The following RGS3 variants were observed in gnomAD, a reference collection of about 807,000 sequenced individuals.
RGS3 encodes regulator of G-protein signalling 3.
RGS3 carries 80 observed loss-of-function variants against 132.6 expected under a neutral mutation model. The ratio of observed to expected loss-of-function variants is 0.60; its 90% CI spans 0.50 to 0.73. The LOEUF is 0.73. Ranked by LOEUF, RGS3 falls within the 30% of genes least tolerant of loss-of-function variation. The pLI, the probability that RGS3 is intolerant of heterozygous loss-of-function variation, is 0.00. For missense variants in RGS3, 1,382 were observed against 1,530.8 expected (o/e 0.90, Z 1.62); for synonymous variants, 598 against 620.6 (o/e 0.96, Z 0.54).
At chr9:113,500,628 T>G (rs1366976060) in intron 10 of RGS3, among the ~76,000 whole-genome samples, 1 of 152,024 alleles carries the variant, frequency 6.6e-6, no homozygotes, top group Non-Finnish European at 1.5e-5. Context: ...TTATGGTCCA[T>G]GTGTATCACC....
chr9:113,582,376 G>A (rs969954822), intron 19 of RGS3: 11 of 197,544 alleles, frequency 5.6e-5, no homozygotes, highest in South Asian at 1.7e-4. Context: ...GCGTGTGCCC[G>A]CAGGTGCACA....
At chr9:113,573,478 G>C (rs570290011) in intron 19 of RGS3, among the ~76,000 whole-genome samples, 1 of 152,184 alleles carries the variant, frequency 6.6e-6, no homozygotes, top group Admixed American at 6.5e-5. Flanking sequence ...TGAGGGAGGC[G>C]GCACATGGAT....
intron 1 of RGS3, among the ~76,000 whole-genome samples, chr9:113,452,123 C>T (rs1252595398): frequency 1.3e-5 from 2 of 152,034 alleles, no homozygotes; most frequent in South Asian, 2.1e-4. Flanking sequence ...CTCAGCCTCC[C>T]GAGTAGCTAG....
intron 3 of RGS3, among the ~76,000 whole-genome samples, chr9:113,475,553 G>T (rs918116194): frequency 6.6e-6 from 1 of 152,034 alleles, no homozygotes; most frequent in African/African-American, 2.4e-5. Context: ...CTACAGGCAC[G>T]CACCACGGTG....
chr9:113,559,110 G>GA (rs1283459730), intron 19 of RGS3, among the ~76,000 whole-genome samples: 1 of 152,254 alleles, frequency 6.6e-6, no homozygotes, highest in African/African-American at 2.4e-5. Flanking sequence ...CCAAACAGTG[G>GA]GTGGACCCAG....
At position 113,497,352 on chromosome 9, in the gene RGS3, GGGCC is replaced by G; in HGVS notation, c.792_795del (p.Arg265ProfsTer4). On this transcript the variant is annotated frameshift_variant, in exon 9 of 25. Coordinates refer to ENST00000350696, the Ensembl canonical transcript of RGS3. LOFTEE classifies it high-confidence loss of function. ...GGTACTACCTCCTAGGGGAGCACCT[GGGCC>G]GGACCAAGCACTTGAAGGTGGCCAG... The G allele has an allele frequency of 6.2e-7, 1 of 1,613,570 alleles. No individual in the cohort carries two copies. Among genetic ancestry groups the G allele is most frequent in the Non-Finnish European group, 8.5e-7 (1 of 1,179,880 alleles).
intron 17 of RGS3, among the ~76,000 whole-genome samples, chr9:113,527,184 C>CATTCCCTGCCATAGG (rs1231132664): frequency 5.3e-5 from 8 of 152,344 alleles, no homozygotes; most frequent in Non-Finnish European, 8.8e-5. Context: ...ATCCATCCAC[C>CATTCCCTGCCATAGG]ATTCCCTGCC....
exon 20 of RGS3, chr9:113,584,130 C>T: frequency 6.2e-7 from 1 of 1,614,260 alleles, no homozygotes; most frequent in Non-Finnish European, 8.5e-7. Flanking sequence ...GCGATGACAA[C>T]TACGGAGAGC....
intron 17 of RGS3, among the ~76,000 whole-genome samples, chr9:113,524,984 T>G (rs923874863): frequency 1.3e-5 from 2 of 152,154 alleles, no homozygotes; most frequent in Non-Finnish European, 2.9e-5. Flanking sequence ...GCTTTTGAGC[T>G]GCAGCCTTGT....
intron 7 of RGS3, among the ~76,000 whole-genome samples, chr9:113,492,579 A>G (rs1830555115): frequency 6.6e-6 from 1 of 152,216 alleles, no homozygotes; most frequent in African/African-American, 2.4e-5. Flanking sequence ...AAGTGCACCA[A>G]GCCTGGAGCT....
intron 7 of RGS3, among the ~76,000 whole-genome samples, chr9:113,492,484 T>G (rs1830551234): frequency 6.6e-6 from 1 of 152,224 alleles, no homozygotes; most frequent in Non-Finnish European, 1.5e-5. Flanking sequence ...TGGATGTTTG[T>G]GTTGTTTCCT....
chr9:113,557,122 C>T (rs1482558246), intron 19 of RGS3, among the ~76,000 whole-genome samples: 1 of 152,242 alleles, frequency 6.6e-6, no homozygotes, highest in Non-Finnish European at 1.5e-5. Flanking sequence ...ATGCATTAGT[C>T]AGCAATCTAC....
At chr9:113,533,329 C>T (rs1176248011) in intron 18 of RGS3, among the ~76,000 whole-genome samples, 1 of 151,556 alleles carries the variant, frequency 6.6e-6, no homozygotes, top group Admixed American at 6.6e-5. Context: ...CTCCTGGGTT[C>T]AAGCGATTCT....
chr9:113,519,594 A>G (rs1451921375), intron 16 of RGS3, among the ~76,000 whole-genome samples: 2 of 151,724 alleles, frequency 1.3e-5, no homozygotes, highest in East Asian at 1.9e-4. Flanking sequence ...GGAGTCATCC[A>G]TGCTAATTGC....
chr9:113,567,617 T>G (rs768481847), intron 19 of RGS3, among the ~76,000 whole-genome samples: 1 of 152,154 alleles, frequency 6.6e-6, no homozygotes, highest in African/African-American at 2.4e-5. Context: ...CTGGGTTTGA[T>G]AGGAGGTGAG....
rs140210978 is a variant in RGS3, at chr9:113,548,064, G to A, written c.2037+11146G>A. Among the ~76,000 whole-genome samples the A allele has an allele frequency of 7.7e-4, 117 of 152,312 alleles. 1 individual carries two copies. Among genetic ancestry groups the A allele is most frequent in the African/African-American group, 2.5e-3 (105 of 41,562 alleles). On this transcript the variant is annotated intron_variant, in intron 19 of 24. Coordinates refer to ENST00000350696, the Ensembl canonical transcript of RGS3. ...TTTGGGAATATAGTATTTATTTTAT[G>A]AGTGACTAGAATATTGGTAGAACCA...
At chr9:113,595,622 T>C in exon 24 of RGS3, 1 of 1,614,182 alleles carries the variant, frequency 6.2e-7, no homozygotes. Flanking sequence ...GTTCCAAGCC[T>C]TCCTTCGCAC....
chr9:113,467,025 A>G (rs1473358202), intron 3 of RGS3, among the ~76,000 whole-genome samples: 1 of 151,934 alleles, frequency 6.6e-6, no homozygotes, highest in African/African-American at 2.4e-5. Flanking sequence ...TTCAAGTTTA[A>G]TCCATGTTGT....
At chr9:113,584,000 G>C (rs1388533089) in exon 20 of RGS3, 1 of 1,614,144 alleles carries the variant, frequency 6.2e-7, no homozygotes, top group East Asian at 2.2e-5. Context: ...CGGCTGGATA[G>C]CACCTACAGC....
Sources: allele counts gnomAD v4.1 joint callset (sites outside exome capture counted in the v4.1 genomes callset), GRCh38; gene constraint gnomAD v4.1.1; transcripts MANE v1.5; gene names NCBI Gene and HGNC (gene_info 2026-07-23, HGNC 2026-07-21).